The following ZDHHC11 variants were observed in gnomAD, a reference collection of about 807,000 sequenced individuals.
ZDHHC11 encodes the protein palmitoyltransferase ZDHHC11.
Under a neutral mutation model 51.3 loss-of-function variants are expected in ZDHHC11, and 44 were observed. That is an observed-to-expected ratio of 0.86 (90% CI 0.67 to 1.10). The LOEUF (loss-of-function observed/expected upper bound fraction) is 1.10. Among genes scored for constraint, ZDHHC11 ranks in the 50% least tolerant of loss-of-function variants. The probability of loss-of-function intolerance (pLI) is 0.00; values close to 1 mark genes in which losing one functional copy is unlikely to be tolerated. For missense variants in ZDHHC11, 400 were observed against 537.7 expected, an observed-to-expected ratio of 0.74 and a Z score of 2.53; for synonymous variants, 163 against 222.0, an observed-to-expected ratio of 0.73 and a Z score of 2.36.
At chr5:854,448 G>GC (rs1747826083), upstream of ZDHHC11, among the ~76,000 whole-genome samples, 1 of 138,530 alleles carries the variant, frequency 7.2e-6, no homozygotes, top group Admixed American at 7.2e-5. Flanking sequence ...GAGCCGGGGA[G>GC]ACAGACCCCA....
chr5:847,824 C>G, intron 2 of ZDHHC11: 1 of 567,818 alleles, frequency 1.8e-6, no homozygotes, highest in Non-Finnish European at 3.0e-6. Context: ...GCAGAGGTAG[C>G]CACAGAGCAG....
chr5:810,838 G>A (rs1464089447), intron 11 of ZDHHC11, among the ~76,000 whole-genome samples: 10 of 152,106 alleles, frequency 6.6e-5, no homozygotes, highest in African/African-American at 1.9e-4. Flanking sequence ...ATGAAATGAA[G>A]AAGGCTTCCA....
chr5:805,896 G>C (rs1377632455), intron 11 of ZDHHC11, among the ~76,000 whole-genome samples: 17 of 151,156 alleles, frequency 1.1e-4, no homozygotes, highest in African/African-American at 4.1e-4. Flanking sequence ...GAGCGAGGAT[G>C]GGGGTGGGAT....
chr5:831,474 T>C (rs1033876549), intron 7 of ZDHHC11, among the ~76,000 whole-genome samples: 2 of 148,928 alleles, frequency 1.3e-5, no homozygotes, highest in Non-Finnish European at 3.0e-5. Flanking sequence ...TCCCAGGTAC[T>C]TGGGAGCCTG....
chr5:848,860 C>T (rs566973611), intron 1 of ZDHHC11, among the ~76,000 whole-genome samples, 200 bp from the exon 2 acceptor site: 17 of 149,586 alleles, frequency 1.1e-4, no homozygotes, highest in African/African-American at 3.5e-4. Context: ...GAGCCCTGTT[C>T]GCCTGGCCCT....
At chr5:804,274 T>A (rs1738920466) in intron 11 of ZDHHC11, among the ~76,000 whole-genome samples, 1 of 151,288 alleles carries the variant, frequency 6.6e-6, no homozygotes, top group Admixed American at 6.6e-5. Context: ...GAATCATTCC[T>A]TTGTCCAGCA....
intron 1 of ZDHHC11, among the ~76,000 whole-genome samples, chr5:849,145 GAGA>G: frequency 6.6e-6 from 1 of 152,262 alleles, no homozygotes; most frequent in Middle Eastern, 3.4e-3. Flanking sequence ...CCCAGGCCTA[GAGA>G]AGATGAGGCT....
intron 10 of ZDHHC11, among the ~76,000 whole-genome samples, chr5:815,985 TC>T (rs1740733926): frequency 6.6e-6 from 1 of 151,474 alleles, no homozygotes; most frequent in African/African-American, 2.4e-5. Flanking sequence ...AGCTCGTGGA[TC>T]CCAGGTGGGA....
rs747230336 is a variant in ZDHHC11, at chr5:850,566, G to A, written c.37C>T (p.Pro13Ser). The A allele has an allele frequency of 2.4e-5, 38 of 1,613,580 alleles. No individual in the cohort carries two copies. The East Asian group carries it at 4.9e-4, about 21-fold the overall frequency. Residue 13 changes from proline (P) to serine (S), a missense_variant, in exon 1 of 13, where the codon CCA (proline) becomes TCA (serine). Around this residue, in one of 5 missense-constraint regions of ZDHHC11, gnomAD observed 119 missense variants for 99.6 expected, o/e 1.20. Coordinates refer to ENST00000283441, the MANE Select transcript of ZDHHC11 (RefSeq NM_024786.3). ...TRSGSQCSVT[P>S]EAILNNEKLV... Reference sequence around the variant, plus strand: ...TTTTCATTATTGAGTATGGCTTCTGGGGTGACGGAACACTGGCTCCCGGAG... The same window carrying A: ...TTTTCATTATTGAGTATGGCTTCTGAGGTGACGGAACACTGGCTCCCGGAG...
chr5:836,469 A>C (rs1489026285), intron 6 of ZDHHC11, among the ~76,000 whole-genome samples: 1 of 150,324 alleles, frequency 6.7e-6, no homozygotes, highest in Non-Finnish European at 1.5e-5. Flanking sequence ...GCTTATGAAT[A>C]TCTGGTTTGG....
chr5:805,032 A>G (rs1161827477), intron 11 of ZDHHC11, among the ~76,000 whole-genome samples: 5 of 151,416 alleles, frequency 3.3e-5, no homozygotes, highest in South Asian at 2.1e-4. Context: ...GCATATTACA[A>G]TAATTATAAA....
chr5:802,021 C>G (rs1738497783), intron 11 of ZDHHC11, among the ~76,000 whole-genome samples: 1 of 151,482 alleles, frequency 6.6e-6, no homozygotes, highest in East Asian at 1.9e-4. Flanking sequence ...GGAAAGGATG[C>G]AAATGGGAGC....
chr5:815,891 G>A (rs1740721355), intron 10 of ZDHHC11, among the ~76,000 whole-genome samples: 1 of 151,568 alleles, frequency 6.6e-6, no homozygotes, highest in Admixed American at 6.6e-5. Flanking sequence ...TTTCAGGCAT[G>A]AGCCACTGTG....
upstream of ZDHHC11, among the ~76,000 whole-genome samples, chr5:855,658 G>T (rs534646009): frequency 9.2e-4 from 131 of 141,706 alleles, no homozygotes; most frequent in Non-Finnish European, 1.2e-3. Flanking sequence ...CCCCACAGAG[G>T]ACAGCCAGCC....
chr5:832,210 A>C (rs1302286870), intron 7 of ZDHHC11, among the ~76,000 whole-genome samples: 1 of 112,730 alleles, frequency 8.9e-6, no homozygotes, highest in Non-Finnish European at 1.6e-5. Context: ...AAGAATGAAA[A>C]ACCAAACATC....
At chr5:804,264 G>T (rs1318669278) in intron 11 of ZDHHC11, among the ~76,000 whole-genome samples, 1 of 151,246 alleles carries the variant, frequency 6.6e-6, no homozygotes, top group Non-Finnish European at 1.5e-5. Context: ...CCCAGGACAT[G>T]AATCATTCCT....
At chr5:808,005 C>T (rs1739521149) in intron 11 of ZDHHC11, among the ~76,000 whole-genome samples, 1 of 150,846 alleles carries the variant, frequency 6.6e-6, no homozygotes, top group African/African-American at 2.5e-5. Flanking sequence ...GGGGTGCAGG[C>T]CAGTCCCCAT....
intron 10 of ZDHHC11, among the ~76,000 whole-genome samples, chr5:815,798 T>G (rs1740708414): frequency 6.6e-6 from 1 of 151,544 alleles, no homozygotes; most frequent in African/African-American, 2.4e-5. Flanking sequence ...ATTAATTTTT[T>G]TAAAGATAGG....
intron 10 of ZDHHC11, among the ~76,000 whole-genome samples, chr5:815,872 G>C (rs1461398649): frequency 6.6e-6 from 1 of 151,580 alleles, no homozygotes; most frequent in Non-Finnish European, 1.5e-5. Context: ...GACTCCCAAA[G>C]TGCTGGGATT....
Sources: gnomAD v4.1 joint callset for allele counts (sites outside exome capture counted in the v4.1 genomes callset) on GRCh38, gnomAD v4.1.1 for gene constraint, gnomAD v4.1.1 regional missense constraint, MANE v1.5 for transcripts, NCBI Gene and HGNC (gene_info 2026-07-23, HGNC 2026-07-21) for gene names.